Variants in SGCD observed in about 807,000 individuals in gnomAD.
The protein encoded by SGCD is sarcoglycan delta.
Under a neutral mutation model 36.6 loss-of-function variants are expected in SGCD, and 18 were observed. That is an observed-to-expected ratio of 0.49 (90% confidence interval 0.34 to 0.73). SGCD has a LOEUF of 0.73. SGCD is among the 30% of genes least tolerant of loss of function. The pLI, the probability that SGCD is intolerant of heterozygous loss-of-function variation, is 0.01. For synonymous variants in SGCD, 133 were observed against 130.6 expected (o/e 1.02, Z -0.12); for missense variants, 387 against 346.7 (o/e 1.12, Z -0.92).
chr5:156,298,077 C>T (rs1175733001), intron 3 of SGCD, among the ~76,000 whole-genome samples: 3 of 151,980 alleles, frequency 2.0e-5, no homozygotes, highest in Admixed American at 1.3e-4. Context: ...AATGTAATAT[C>T]CTCCAGGTCC....
At chr5:156,573,883 G>T (rs891779367) in intron 4 of SGCD, among the ~76,000 whole-genome samples, 2 of 151,940 alleles carry the variant, frequency 1.3e-5, no homozygotes, top group African/African-American at 4.8e-5. Flanking sequence ...TGTAGAGACA[G>T]GATCTCACTA....
intron 7 of SGCD, among the ~76,000 whole-genome samples, chr5:156,750,735 A>T (rs1757121308): frequency 6.6e-6 from 1 of 152,210 alleles, no homozygotes; most frequent in African/African-American, 2.4e-5. Flanking sequence ...CTACAGATAG[A>T]TTATGAAAAA....
chr5:156,680,171 C>A (rs975091672), intron 7 of SGCD, among the ~76,000 whole-genome samples: 1 of 152,084 alleles, frequency 6.6e-6, no homozygotes, highest in African/African-American at 2.4e-5. Context: ...TGGTTCAATT[C>A]TGTCATACTA....
chr5:155,889,526 C>T (rs955264950), intron 1 of SGCD, among the ~76,000 whole-genome samples: 9 of 152,080 alleles, frequency 5.9e-5, no homozygotes, highest in African/African-American at 2.2e-4. Context: ...TAGTAATCAG[C>T]TTACCGATTA....
chr5:156,182,613 A>G (rs2127627850), intron 3 of SGCD, among the ~76,000 whole-genome samples: 1 of 152,170 alleles, frequency 6.6e-6, no homozygotes, highest in East Asian at 1.9e-4. Flanking sequence ...AATAAAAAGA[A>G]CAAGCTAGGG....
chr5:156,724,616 AAAAG>A (rs894783721), intron 7 of SGCD, among the ~76,000 whole-genome samples: 5 of 152,162 alleles, frequency 3.3e-5, no homozygotes, highest in African/African-American at 4.8e-5. Context: ...CCAAAAAAAA[AAAAG>A]AAAGAAAATA....
chr5:155,916,222 G>C (rs929474330), intron 1 of SGCD, among the ~76,000 whole-genome samples: 1 of 152,096 alleles, frequency 6.6e-6, no homozygotes, highest in Non-Finnish European at 1.5e-5. Context: ...TTTTCATTAA[G>C]AGGGTTTTAG....
chr5:155,759,008 ATT>A, the SGCD span, among the ~76,000 whole-genome samples: 6 of 143,034 alleles, frequency 4.2e-5, no homozygotes, highest in South Asian at 2.2e-4. Flanking sequence ...GATTTTTTTT[ATT>A]TTTATTTTTT....
At chr5:156,708,545 T>G (rs1054189901) in intron 7 of SGCD, among the ~76,000 whole-genome samples, 21 of 152,194 alleles carry the variant, frequency 1.4e-4, no homozygotes, top group African/African-American at 4.3e-4. Flanking sequence ...GCATCAGTCT[T>G]ACTTGAAGAC....
chr5:156,241,077 T>G (rs576958276), intron 3 of SGCD, among the ~76,000 whole-genome samples: 2 of 152,278 alleles, frequency 1.3e-5, no homozygotes, highest in African/African-American at 4.8e-5. Context: ...CACTGAAAGA[T>G]CTATAGAAAA....
At chr5:155,920,140 A>G (rs939028964) in intron 1 of SGCD, among the ~76,000 whole-genome samples, 3 of 152,188 alleles carry the variant, frequency 2.0e-5, no homozygotes. Context: ...TGAAATGATC[A>G]ACATCTAACC....
At chr5:156,453,127 A>G (rs762180278) in intron 3 of SGCD, among the ~76,000 whole-genome samples, 9 of 152,214 alleles carry the variant, frequency 5.9e-5, no homozygotes, top group Admixed American at 3.3e-4. Flanking sequence ...ATGAACTTAG[A>G]AACTGTGATG....
At chr5:156,333,570 A>T (rs76131868) in intron 2 of SGCD, among the ~76,000 whole-genome samples, 1,573 of 152,192 alleles carry the variant, frequency 0.01, 10 homozygotes, top group Non-Finnish European at 0.017. Context: ...TCTGGATTCA[A>T]ATGCTTGCTA....
rs1760031857 is a variant in SGCD at position 156,055,248 on chromosome 5, G to A, written c.-281-62630G>A. On this transcript the variant is annotated intron_variant, in intron 1 of 9. Coordinates refer to the SGCD transcript ENST00000517913. Reference sequence around the variant, plus strand: ...TTTTCTTAAAAGACAAAATAAAGTAGCCTCTGATAGACTATGAGAAGAAAA... The same window carrying A: ...TTTTCTTAAAAGACAAAATAAAGTAACCTCTGATAGACTATGAGAAGAAAA... Among the ~76,000 whole-genome samples the A allele has an allele frequency of 1.4e-5, 2 of 143,482 alleles. 1 individual carries two copies. Among genetic ancestry groups the A allele is most frequent in the Non-Finnish European group, 3.1e-5 (2 of 64,070 alleles). 94.1% of individuals were successfully genotyped at this position (143,482 alleles called of 152,430 possible).
chr5:156,740,861 T>C (rs1756635347), intron 7 of SGCD, among the ~76,000 whole-genome samples: 1 of 152,180 alleles, frequency 6.6e-6, no homozygotes, highest in South Asian at 2.1e-4. Context: ...TCCCACCCAA[T>C]CTGAGAACTC....
intron 7 of SGCD, chr5:156,704,193 C>T (rs886361741): frequency 2.0e-5 from 3 of 152,150 alleles, no homozygotes; most frequent in African/African-American, 7.2e-5. Context: ...GTTTTCCCTC[C>T]TGTGGCTTCC....
intron 1 of SGCD, among the ~76,000 whole-genome samples, chr5:156,022,333 C>G (rs1298299288): frequency 6.6e-6 from 1 of 152,154 alleles, no homozygotes; most frequent in Non-Finnish European, 1.5e-5. Flanking sequence ...GAAACGAGCT[C>G]ACCTTTAAAA....
chr5:156,497,170 ACTCTCTCT>A (rs10559912), intron 3 of SGCD, among the ~76,000 whole-genome samples: 4,476 of 145,332 alleles, frequency 0.031, 73 homozygotes, highest in South Asian at 0.05. Flanking sequence ...ACTCTCCTGC[ACTCTCTCT>A]CTCTCTCTCT....
chr5:156,612,225 G>C (rs533305843), intron 6 of SGCD, among the ~76,000 whole-genome samples: 1 of 152,306 alleles, frequency 6.6e-6, no homozygotes, highest in South Asian at 2.1e-4. Flanking sequence ...CTTTTGAAGG[G>C]AGAGACATTT....
Sources: gnomAD v4.1 joint callset for allele counts (sites outside exome capture counted in the v4.1 genomes callset) on GRCh38, gnomAD v4.1.1 for gene constraint, MANE v1.5 for transcripts, NCBI Gene and HGNC (gene_info 2026-07-23, HGNC 2026-07-21) for gene names.